PTPRT: variants seen among roughly 807,000 people sequenced by gnomAD.
PTPRT encodes protein tyrosine phosphatase receptor type T.
A neutral mutation model predicts 176.8 loss-of-function variants in PTPRT; 56 were observed. That is an observed-to-expected ratio of 0.32 (90% CI 0.26 to 0.40). The LOEUF (loss-of-function observed/expected upper bound fraction) is 0.40. PTPRT is among the 10% of genes least tolerant of loss of function. PTPRT has a pLI of 1.00. For synonymous variants in PTPRT, 783 were observed against 739.0 expected, an observed-to-expected ratio of 1.06 and a Z score of -0.96; for missense variants, 1,540 against 1,908.2, an observed-to-expected ratio of 0.81 and a Z score of 3.60.
intron 7 of PTPRT, among the ~76,000 whole-genome samples, chr20:42,508,900 T>C (rs997891459): frequency 6.9e-6 from 1 of 144,764 alleles, no homozygotes; most frequent in Non-Finnish European, 1.5e-5. Context: ...TTTATAAATA[T>C]AAATAATATA....
At chr20:42,971,759 T>A (rs1230744588) in intron 1 of PTPRT, among the ~76,000 whole-genome samples, 1 of 152,138 alleles carries the variant, frequency 6.6e-6, no homozygotes, top group African/African-American at 2.4e-5. Flanking sequence ...AGACCCGAGG[T>A]AACTTTTTCT....
At chr20:42,298,143 CTT>C (rs1164858049) in intron 12 of PTPRT, among the ~76,000 whole-genome samples, 2 of 151,928 alleles carry the variant, frequency 1.3e-5, no homozygotes, top group Admixed American at 6.6e-5. Context: ...ATATAAATAA[CTT>C]TAAAAATTGA....
At chr20:42,502,473 A>T (rs1305407472) in intron 7 of PTPRT, among the ~76,000 whole-genome samples, 1 of 151,438 alleles carries the variant, frequency 6.6e-6, no homozygotes, top group Non-Finnish European at 1.5e-5. Flanking sequence ...TTCAAATATT[A>T]TTGGAATATA....
intron 1 of PTPRT, among the ~76,000 whole-genome samples, chr20:43,083,739 C>T (rs2146293382): frequency 6.6e-6 from 1 of 152,194 alleles, no homozygotes; most frequent in African/African-American, 2.4e-5. Flanking sequence ...TTTAGAATAT[C>T]TCCATCACTC....
At chr20:43,166,377 G>T (rs1374111257) in intron 1 of PTPRT, among the ~76,000 whole-genome samples, 1 of 148,858 alleles carries the variant, frequency 6.7e-6, no homozygotes, top group Non-Finnish European at 1.5e-5. Context: ...CTCTGTATTT[G>T]AATCACTGAA....
At chr20:42,251,691 T>C (rs1471261787) in intron 13 of PTPRT, among the ~76,000 whole-genome samples, 5 of 145,332 alleles carry the variant, frequency 3.4e-5, no homozygotes, top group Non-Finnish European at 7.5e-5. Context: ...TAGCCTTGCC[T>C]AATGGGGCAA....
chr20:42,229,951 C>T (rs2146829815), intron 15 of PTPRT, among the ~76,000 whole-genome samples: 1 of 152,234 alleles, frequency 6.6e-6, no homozygotes, highest in African/African-American at 2.4e-5. Flanking sequence ...ACTCATTACA[C>T]AGGCACTTAC....
chr20:42,552,918 A>G (rs2072794233), intron 7 of PTPRT, among the ~76,000 whole-genome samples: 2 of 152,194 alleles, frequency 1.3e-5, no homozygotes. Context: ...ATTCATTAAA[A>G]TGAAAAATAG....
At chr20:42,621,147 A>G (rs1248125328) in intron 7 of PTPRT, among the ~76,000 whole-genome samples, 34 of 152,130 alleles carry the variant, frequency 2.2e-4, no homozygotes, top group Admixed American at 2.2e-3. Context: ...AAACCATATC[A>G]CCTGCCTCCT....
In PTPRT at chr20:43,097,737, G is replaced by C. The variant is rs145239311; in HGVS notation, c.88+91909C>G. Among the ~76,000 whole-genome samples, 1,291 of 152,220 alleles carry C rather than the reference G, an allele frequency of 8.5e-3. 8 individuals carry two copies. Among genetic ancestry groups the C allele is most frequent in the Non-Finnish European group, 0.014 (948 of 68,026 alleles). On this transcript the variant is annotated intron_variant, in intron 1 of 30. Transcript: ENST00000373187. ...AGGAATCATTTTTTCCATATTCTTG[G>C]AAGAGGGAGACACCTAAGCCCAGAG...
At chr20:42,085,681 G>A (rs772393116) in intron 28 of PTPRT, 47 bp downstream of exon 28, 1 of 1,610,466 alleles carries the variant, frequency 6.2e-7, no homozygotes, top group African/African-American at 1.3e-5. Context: ...GCCTCCATCT[G>A]TCTTGGGGAG....
chr20:42,954,037 G>C (rs1568698327), intron 1 of PTPRT, among the ~76,000 whole-genome samples: 1 of 152,140 alleles, frequency 6.6e-6, no homozygotes, highest in Non-Finnish European at 1.5e-5. Flanking sequence ...ATGTCACAGG[G>C]GGAGGAGGGA....
intron 1 of PTPRT, among the ~76,000 whole-genome samples, chr20:42,912,535 T>C (rs985976223): frequency 1.3e-5 from 2 of 152,226 alleles, no homozygotes; most frequent in African/African-American, 4.8e-5. Flanking sequence ...ATGTACATTG[T>C]TGAGTATAAA....
At chr20:42,370,895 C>T (rs113849633) in intron 9 of PTPRT, among the ~76,000 whole-genome samples, 2 of 152,306 alleles carry the variant, frequency 1.3e-5, no homozygotes, top group Admixed American at 1.3e-4. Context: ...CTCCCTACCC[C>T]AGGTACTGGC....
At chr20:43,035,809 T>A (rs1341062749) in intron 1 of PTPRT, among the ~76,000 whole-genome samples, 2 of 152,260 alleles carry the variant, frequency 1.3e-5, no homozygotes, top group Non-Finnish European at 2.9e-5. Context: ...TTTCCACACT[T>A]ACAGCAAGCC....
chr20:42,430,361 G>A (rs573219390), intron 9 of PTPRT, among the ~76,000 whole-genome samples: 12 of 152,270 alleles, frequency 7.9e-5, no homozygotes, highest in Admixed American at 2.0e-4. Context: ...GAACTTCAAC[G>A]TGCACAGTGA....
chr20:42,049,332 T>G, the PTPRT span, among the ~76,000 whole-genome samples: 2 of 152,226 alleles, frequency 1.3e-5, no homozygotes, highest in African/African-American at 4.8e-5. Flanking sequence ...TTCACATGTC[T>G]CTTGGCCTCC....
At chr20:42,950,556 C>T (rs1981175184) in intron 1 of PTPRT, among the ~76,000 whole-genome samples, 1 of 152,138 alleles carries the variant, frequency 6.6e-6, no homozygotes, top group East Asian at 1.9e-4. Context: ...GCTCCAAACC[C>T]CAACCTGAGA....
At chr20:42,753,840 C>T (rs2076795323) in intron 6 of PTPRT, among the ~76,000 whole-genome samples, 1 of 152,234 alleles carries the variant, frequency 6.6e-6, no homozygotes, top group Admixed American at 6.5e-5. Flanking sequence ...CCCATCCTGC[C>T]CCTGAATGGG....
Sources: gnomAD v4.1 joint callset for allele counts (sites outside exome capture counted in the v4.1 genomes callset) on GRCh38, gnomAD v4.1.1 for gene constraint, MANE v1.5 for transcripts, NCBI Gene and HGNC (gene_info 2026-07-23, HGNC 2026-07-21) for gene names.